Variants in CTNNA3 observed in about 807,000 individuals in gnomAD.
CTNNA3 encodes the protein catenin alpha 3.
In CTNNA3, 76 loss-of-function variants were observed where a neutral mutation model predicts 95.7. That is an observed-to-expected ratio of 0.79 (90% CI 0.66 to 0.96). The LOEUF (loss-of-function observed/expected upper bound fraction) is 0.96. Ranked by LOEUF, CTNNA3 falls within the 40% of genes least tolerant of loss-of-function variation. The pLI, the probability that CTNNA3 is intolerant of heterozygous loss-of-function variation, is 0.00. For missense variants in CTNNA3, 1,191 were observed against 1,089.8 expected (o/e 1.09, Z -1.31); for synonymous variants, 431 against 374.4 (o/e 1.15, Z -1.74).
At chr10:66,416,044 A>G (rs564734301) in intron 11 of CTNNA3, among the ~76,000 whole-genome samples, 17 of 152,314 alleles carry the variant, frequency 1.1e-4, no homozygotes, top group South Asian at 2.1e-4. Context: ...AGAATTCTAA[A>G]AAAACAAAAC....
At chr10:67,577,232 T>TA (rs1356638106) in intron 3 of CTNNA3, among the ~76,000 whole-genome samples, 1 of 152,016 alleles carries the variant, frequency 6.6e-6, no homozygotes, top group Non-Finnish European at 1.5e-5. Flanking sequence ...CCTGACTTTT[T>TA]AATGATCGCC....
intron 7 of CTNNA3, among the ~76,000 whole-genome samples, chr10:67,160,986 CAG>C (rs1490258760): frequency 6.6e-6 from 1 of 152,028 alleles, no homozygotes; most frequent in Non-Finnish European, 1.5e-5. Flanking sequence ...TAGTCAAACA[CAG>C]AGAAGCAGAG....
At chr10:67,720,129 C>CTTTTTTTTTTTTTTT (rs58074397) in intron 1 of CTNNA3, among the ~76,000 whole-genome samples, 68 of 6,610 alleles carry the variant, frequency 0.01, 30 homozygotes, top group African/African-American at 0.031. Flanking sequence ...GCAACCCCTG[C>CTTTTTTTTTTTTTTT]TTTTTTTTTT....
chr10:66,106,150 C>T lies in CTNNA3; in HGVS notation c.1885-2901G>A, dbSNP rs112730487. Among the ~76,000 whole-genome samples the T allele has an allele frequency of 4.6e-4, 69 of 149,700 alleles. No homozygotes were observed. The East Asian group carries it at 6.7e-3, about 15-fold the overall frequency. ...TGAATCCAGGCGGCGGAGGTTGCAG[C>T]GAGCCGAGATCGCGCCATTGCACTC... On this transcript the variant is annotated intron_variant, in intron 13 of 17. Coordinates refer to ENST00000433211, the MANE Select transcript of CTNNA3 (RefSeq NM_013266.4).
At chr10:67,334,127 G>T in intron 5 of CTNNA3, 1 of 152,602 alleles carries the variant, frequency 6.6e-6, no homozygotes, top group South Asian at 2.0e-4. Flanking sequence ...CTGCTGAAAG[G>T]AAAGAAGGCC....
chr10:67,696,977 G>A (rs536722605), upstream of CTNNA3, among the ~76,000 whole-genome samples: 14 of 152,170 alleles, frequency 9.2e-5, no homozygotes, highest in East Asian at 1.7e-3. Context: ...TTTGAGTTTT[G>A]GCAGTCCTGT....
At chr10:66,874,083 T>C (rs950891475) in intron 7 of CTNNA3, among the ~76,000 whole-genome samples, 2 of 150,086 alleles carry the variant, frequency 1.3e-5, no homozygotes, top group African/African-American at 4.9e-5. Flanking sequence ...CTAAAGAAGG[T>C]TAATAAAGCC....
chr10:67,711,271 C>T (rs184381125), intron 1 of CTNNA3, among the ~76,000 whole-genome samples: 19 of 152,130 alleles, frequency 1.2e-4, no homozygotes, highest in South Asian at 4.2e-4. Context: ...AATGCGGAAG[C>T]GACTGGAACT....
intron 5 of CTNNA3, among the ~76,000 whole-genome samples, chr10:67,328,833 C>T (rs1482677390): frequency 6.6e-6 from 1 of 152,088 alleles, no homozygotes; most frequent in Non-Finnish European, 1.5e-5. Context: ...TTGTCCCCCA[C>T]CAATTCTTTT....
chr10:66,651,645 G>A (rs866160991), intron 9 of CTNNA3, among the ~76,000 whole-genome samples: 89 of 74,044 alleles, frequency 1.2e-3, no homozygotes, highest in African/African-American at 5.2e-3. Flanking sequence ...GAATTCCAGC[G>A]CAGTGCCCGC....
Position 66,189,613 on chromosome 10 carries a change from T to TAC in CTNNA3, c.1885-86365_1885-86364insGT, listed in dbSNP as rs1564745310. On this transcript the variant is annotated intron_variant, in intron 13 of 17. Coordinates refer to ENST00000433211, the MANE Select transcript of CTNNA3 (RefSeq NM_013266.4). ...GTTACTATAGATTTATATATATATA[T>TAC]ATATACACACATACACACACATATA... 9.2e-3 allele frequency among the ~76,000 whole-genome samples: 1,072 copies of TAC among 116,838 alleles called. 19 individuals carry two copies. The highest frequency in any genetic ancestry group is 0.034 in the African/African-American group (999 of 28,990). 76.7% of individuals were successfully genotyped at this position (116,838 alleles called of 152,430 possible).
chr10:67,632,742 G>A (rs1171070483), intron 2 of CTNNA3, among the ~76,000 whole-genome samples: 1 of 152,124 alleles, frequency 6.6e-6, no homozygotes, highest in Admixed American at 6.5e-5. Context: ...ACAGAACTGT[G>A]TAGAATGTTG....
chr10:67,288,201 T>C (rs1839684965), intron 5 of CTNNA3, among the ~76,000 whole-genome samples: 3 of 152,188 alleles, frequency 2.0e-5, no homozygotes. Context: ...AGATTTCTCC[T>C]GTAGGACACA....
rs3841706 is a variant in CTNNA3 at position 67,052,313 on chromosome 10, A to ACT, written c.1047+128002_1047+128003dup. On this transcript the variant is annotated intron_variant, in intron 7 of 17. Transcript: ENST00000433211. Reference sequence around the variant, plus strand: ...AGAAGAATCTTCACACCCACTCATCACTCTCTCTCTCTCTCTCTCTCTCTC... The same window carrying ACT: ...AGAAGAATCTTCACACCCACTCATCACTCTCTCTCTCTCTCTCTCTCTCTCTC... Among the ~76,000 whole-genome samples the ACT allele has an allele frequency of 8.1e-3, 983 of 121,078 alleles. 24 individuals carry two copies. The highest frequency in any genetic ancestry group is 0.027 in the African/African-American group (811 of 30,114). 79.4% of individuals were successfully genotyped at this position (121,078 alleles called of 152,430 possible).
intron 7 of CTNNA3, among the ~76,000 whole-genome samples, chr10:66,857,829 A>G (rs1843739775): frequency 6.6e-6 from 1 of 152,074 alleles, no homozygotes; most frequent in African/African-American, 2.4e-5. Flanking sequence ...TTTTCTAGAT[A>G]TAGAATCATA....
rs375397432 is a variant in CTNNA3, at chr10:66,345,199, TG to T, written c.1732+33952del. Among the ~76,000 whole-genome samples, 58 of 152,184 alleles carry T rather than the reference TG, an allele frequency of 3.8e-4. 1 individual carries two copies. In the South Asian group the frequency reaches 0.012, roughly 31 times the overall value. On this transcript the variant is annotated intron_variant, in intron 12 of 17. Coordinates refer to ENST00000433211, the MANE Select transcript of CTNNA3 (RefSeq NM_013266.4). The stretch of plus-strand genomic sequence containing the variant: ...TTTGTCACTAAACAACAATATGTGA[TG>T]GGAACAAAGCAAGATGCCAGGAGAT...
intron 9 of CTNNA3, among the ~76,000 whole-genome samples, chr10:66,739,128 G>A (rs1380100660): frequency 6.6e-6 from 1 of 152,172 alleles, no homozygotes; most frequent in African/African-American, 2.4e-5. Flanking sequence ...CCAGAGTGGG[G>A]ATGAATGAAA....
At chr10:66,105,472 T>C (rs1182128111) in intron 13 of CTNNA3, among the ~76,000 whole-genome samples, 2 of 152,220 alleles carry the variant, frequency 1.3e-5, no homozygotes, top group African/African-American at 4.8e-5. Context: ...CTTATAAATG[T>C]CTGCTGTTTA....
intron 9 of CTNNA3, among the ~76,000 whole-genome samples, chr10:66,717,037 G>GAAA (rs796489841): frequency 1.5e-5 from 2 of 135,228 alleles, no homozygotes; most frequent in African/African-American, 5.4e-5. Context: ...GATAAAAACA[G>GAAA]AAAAAAAAAA....
Sources: allele counts gnomAD v4.1 joint callset (sites outside exome capture counted in the v4.1 genomes callset), GRCh38; gene constraint gnomAD v4.1.1; transcripts MANE v1.5; gene names NCBI Gene and HGNC (gene_info 2026-07-23, HGNC 2026-07-21).